CACNA1B: variants seen among roughly 807,000 people sequenced by gnomAD.
CACNA1B encodes voltage-dependent N-type calcium channel subunit alpha-1B.
A neutral mutation model predicts 247.2 loss-of-function variants in CACNA1B; 70 were observed. The ratio of observed to expected loss-of-function variants is 0.28; its 90% CI spans 0.23 to 0.35. The LOEUF (loss-of-function observed/expected upper bound fraction) is 0.35. CACNA1B is among the 10% of genes least tolerant of loss of function. CACNA1B has a pLI of 1.00. For missense variants in CACNA1B, 2,367 were observed against 3,197.4 expected (o/e 0.74, Z 6.26); for synonymous variants, 1,231 against 1,294.4 (o/e 0.95, Z 1.05).
chr9:137,956,410 C>A (rs1323397368), intron 8 of CACNA1B, among the ~76,000 whole-genome samples: 1 of 152,194 alleles, frequency 6.6e-6, no homozygotes, highest in African/African-American at 2.4e-5. Context: ...ACAGTCCCAG[C>A]ACTTTGGGAG....
At chr9:137,906,482 G>A (rs1004930318) in intron 3 of CACNA1B, among the ~76,000 whole-genome samples, 5 of 152,184 alleles carry the variant, frequency 3.3e-5, no homozygotes, top group Non-Finnish European at 7.4e-5. Flanking sequence ...CCCGTGTGTT[G>A]TGTTATTGAA....
Position 138,124,053 on chromosome 9 carries a change from C to G in CACNA1B, c.*2054C>G, listed in dbSNP as rs1458488514. 1 of 152,152 alleles carries G rather than the reference C, an allele frequency of 6.6e-6. No individual in the cohort carries two copies. Among genetic ancestry groups the G allele is most frequent in the Non-Finnish European group, 1.5e-5 (1 of 68,036 alleles). The allele number at this position is 152,152 out of a possible 1,614,324, so 9.4% of individuals were successfully genotyped here. A position where few individuals can be genotyped will look rare whatever the true frequency, so the allele number is the denominator to read the frequency against. On this transcript the variant is annotated 3_prime_UTR_variant, in exon 47 of 47. Coordinates refer to ENST00000371372, the MANE Select transcript of CACNA1B (RefSeq NM_000718.4). ...GCCTAGCTGGCTTGTCTAGACTCTT[C>G]TAGGCATTGGAATTGATGAAAACTA...
At chr9:138,078,279 C>G in intron 36 of CACNA1B, 21 bp downstream of exon 36, 1 of 1,611,580 alleles carries the variant, frequency 6.2e-7, no homozygotes, top group Non-Finnish European at 8.5e-7. Flanking sequence ...GGCACTGTGC[C>G]CCTCCCAGTG....
At chr9:138,053,436 G>C (rs1959366226) in intron 25 of CACNA1B, among the ~76,000 whole-genome samples, 1 of 152,150 alleles carries the variant, frequency 6.6e-6, no homozygotes, top group South Asian at 2.1e-4. Context: ...CAGGGCCCTG[G>C]AATGCCTGGG....
chr9:138,065,007 A>G (rs777939194), intron 31 of CACNA1B, among the ~76,000 whole-genome samples: 10 of 152,212 alleles, frequency 6.6e-5, no homozygotes, highest in Non-Finnish European at 1.5e-4. Flanking sequence ...TCCTATGCTC[A>G]GCATCTGCCA....
rs928496419 is a variant in CACNA1B, at chr9:138,010,225, G to C, written c.2160+148G>C. 27 of 642,784 alleles carry C rather than the reference G, an allele frequency of 4.2e-5. No homozygotes were observed. The highest frequency in any genetic ancestry group is 7.0e-5 in the Non-Finnish European group (25 of 355,732). 39.8% of individuals were successfully genotyped at this position (642,784 alleles called of 1,614,324 possible). A position where few individuals can be genotyped will look rare whatever the true frequency, so the allele number is the denominator to read the frequency against. ...GCAGAGGCTGGTCTGTCACTCAGGGGCTGGAGGCTGGAGCTGAGGATGCAG... is the reference window on the plus strand; with the variant it reads ...GCAGAGGCTGGTCTGTCACTCAGGGCCTGGAGGCTGGAGCTGAGGATGCAG... On this transcript the variant is annotated intron_variant, in intron 17 of 46. Transcript: ENST00000371372. The surrounding 1 kb of genome is among the most constrained non-coding windows in gnomAD (Gnocchi z 5.3).
intron 31 of CACNA1B, among the ~76,000 whole-genome samples, chr9:138,061,132 C>G (rs1300071403): frequency 1.3e-5 from 2 of 152,214 alleles, no homozygotes; most frequent in African/African-American, 4.8e-5. Flanking sequence ...CAGTGAAGCC[C>G]CTGATTCCCA....
chr9:138,098,415 G>A (rs1180618334), intron 37 of CACNA1B, among the ~76,000 whole-genome samples: 1 of 152,184 alleles, frequency 6.6e-6, no homozygotes, highest in Non-Finnish European at 1.5e-5. Flanking sequence ...TTAGAGAGTC[G>A]CTGCTTTTTC....
At chr9:138,071,196 G>C (rs1271577156) in intron 32 of CACNA1B, among the ~76,000 whole-genome samples, 1 of 152,276 alleles carries the variant, frequency 6.6e-6, no homozygotes, top group Non-Finnish European at 1.5e-5. Context: ...AGGATTGAAG[G>C]GTTAGGGACC....
intron 35 of CACNA1B, among the ~76,000 whole-genome samples, chr9:138,077,239 G>A (rs772160031): frequency 6.3e-4 from 96 of 152,328 alleles, no homozygotes; most frequent in Admixed American, 1.0e-3. Context: ...ACAGACACAC[G>A]GAGGTGGGGA....
chr9:137,986,184 G>T lies in CACNA1B; in HGVS notation c.1770-229G>T, dbSNP rs117428628. Among the ~76,000 whole-genome samples the T allele has an allele frequency of 0.027, 4,057 of 152,262 alleles. 79 individuals carry two copies. Among genetic ancestry groups the T allele is most frequent in the South Asian group, 0.071 (343 of 4,822 alleles). Reference sequence around the variant, plus strand: ...GGGACAGGGAGCAGTTTGGGAGGACGAAGTGAGTCCTCCACTGGGTGTGTT... The same window carrying T: ...GGGACAGGGAGCAGTTTGGGAGGACTAAGTGAGTCCTCCACTGGGTGTGTT... On this transcript the variant is annotated intron_variant, in intron 13 of 46. Transcript: ENST00000371372. This position sits in a 1 kb window ranked among gnomAD's most constrained non-coding sequence, Gnocchi z 6.0.
chr9:137,980,752 G>T (rs946036822), intron 12 of CACNA1B, among the ~76,000 whole-genome samples: 13 of 152,286 alleles, frequency 8.5e-5, no homozygotes, highest in Non-Finnish European at 1.5e-4. Context: ...TTGTGAGAAC[G>T]TGTGGTATTT....
chr9:138,102,830 GC>G lies in CACNA1B; in HGVS notation c.5319+29del. On this transcript the variant is annotated intron_variant, in intron 38 of 46. Coordinates refer to ENST00000371372, the MANE Select transcript of CACNA1B (RefSeq NM_000718.4). This position sits in a 1 kb window ranked among gnomAD's most constrained non-coding sequence, Gnocchi z 5.4. ...AAGGTAGACCCTGACCCTGCAACCCGCCCCCCAGGAGGCTGTGTGTGCTTGC... is the reference window on the plus strand; with the variant it reads ...AAGGTAGACCCTGACCCTGCAACCCGCCCCCAGGAGGCTGTGTGTGCTTGC... 8 of 1,493,208 alleles carry G rather than the reference GC, an allele frequency of 5.4e-6. No individual in the cohort carries two copies. Among genetic ancestry groups the G allele is most frequent in the East Asian group, 2.3e-5 (1 of 43,768 alleles). The allele number at this position is 1,493,208 out of a possible 1,614,324, so 92.5% of individuals were successfully genotyped here.
intron 23 of CACNA1B, among the ~76,000 whole-genome samples, chr9:138,047,683 C>G (rs1040822770): frequency 6.6e-6 from 1 of 152,210 alleles, no homozygotes; most frequent in South Asian, 2.1e-4. Context: ...TCCCCAGTGT[C>G]GTGCCTGGGC....
intron 18 of CACNA1B, among the ~76,000 whole-genome samples, chr9:138,015,204 C>G (rs749205616): frequency 6.6e-6 from 1 of 152,206 alleles, no homozygotes; most frequent in African/African-American, 2.4e-5. Context: ...GTCCAGGTGT[C>G]AGCCCCCATG....
At chr9:138,090,701 C>CAAA (rs1173964720) in intron 36 of CACNA1B, among the ~76,000 whole-genome samples, 40 of 16,592 alleles carry the variant, frequency 2.4e-3, no homozygotes, top group African/African-American at 6.3e-3. Flanking sequence ...AACCCATCAG[C>CAAA]AAAAAAAAAA....
intron 6 of CACNA1B, among the ~76,000 whole-genome samples, chr9:137,923,407 G>C (rs1050717161): frequency 2.7e-5 from 4 of 149,266 alleles, no homozygotes; most frequent in African/African-American, 5.0e-5. Context: ...GTGGTGCCAG[G>C]TAGTATTCCA....
intron 8 of CACNA1B, among the ~76,000 whole-genome samples, chr9:137,956,361 A>G (rs1564206896): frequency 6.6e-6 from 1 of 152,148 alleles, no homozygotes; most frequent in Admixed American, 6.5e-5. Flanking sequence ...CTGGAAGTCT[A>G]AGAGCTGATA....
rs1158265026 is a variant in CACNA1B, at chr9:138,052,380, G to A, written c.3807+192G>A. 6.6e-6 allele frequency among the ~76,000 whole-genome samples: 1 copy of A among 152,170 alleles called. No homozygotes were observed. The highest frequency in any genetic ancestry group is 6.5e-5 in the Admixed American group (1 of 15,278). ...TAGACCTTGTTCCCAGCAGCCTCCT[G>A]TGAGAATCCTCCTCCTTAGCCCAGC... On this transcript the variant is annotated intron_variant, in intron 25 of 46. Transcript: ENST00000371372. The surrounding 1 kb of genome is among the most constrained non-coding windows in gnomAD (Gnocchi z 5.1).
Sources: gnomAD v4.1 joint callset for allele counts (sites outside exome capture counted in the v4.1 genomes callset) on GRCh38, gnomAD v4.1.1 for gene constraint, Gnocchi (gnomAD v3.1) non-coding constraint, MANE v1.5 for transcripts, NCBI Gene and HGNC (gene_info 2026-07-23, HGNC 2026-07-21) for gene names.